Variants in ADAM22 observed in about 807,000 individuals in gnomAD.
The protein encoded by ADAM22 is ADAM metallopeptidase domain 22, also known as disintegrin and metalloproteinase domain-containing protein 22.
Under a neutral mutation model 144.6 loss-of-function variants are expected in ADAM22, and 65 were observed. The ratio of observed to expected loss-of-function variants is 0.45; its 90% CI spans 0.37 to 0.55. The LOEUF (loss-of-function observed/expected upper bound fraction) is 0.55, where lower values mean the gene tolerates loss of function less well. ADAM22 is among the 20% of genes least tolerant of loss of function. The pLI is 0.00. For synonymous variants in ADAM22, 391 were observed against 412.6 expected, an observed-to-expected ratio of 0.95 and a Z score of 0.63; for missense variants, 974 against 1,184.9, an observed-to-expected ratio of 0.82 and a Z score of 2.61.
intron 3 of ADAM22, among the ~76,000 whole-genome samples, chr7:87,986,318 G>A (rs1187979930): frequency 6.6e-6 from 1 of 152,292 alleles, no homozygotes; most frequent in Non-Finnish European, 1.5e-5. Flanking sequence ...AGTCTCTTGT[G>A]CTCAGCCCAG....
intron 3 of ADAM22, among the ~76,000 whole-genome samples, chr7:88,045,624 G>C (rs60069756): frequency 0.4 from 60,593 of 151,894 alleles, 13,391 homozygotes; most frequent in East Asian, 0.59. Context: ...TAGATCTCCA[G>C]AACTTATTGC....
At chr7:87,983,095 T>C (rs1042401114) in intron 3 of ADAM22, among the ~76,000 whole-genome samples, 3 of 152,134 alleles carry the variant, frequency 2.0e-5, no homozygotes, top group African/African-American at 7.2e-5. Flanking sequence ...AGCTTTATAA[T>C]GTGTTTTAAT....
chr7:88,142,914 T>C, intron 14 of ADAM22, 112 bp from the exon 15 acceptor site: 1 of 627,794 alleles, frequency 1.6e-6, no homozygotes, highest in Non-Finnish European at 2.8e-6. Flanking sequence ...ATAAGTAGAC[T>C]TTATTCCCTC....
rs1429968798 is a variant in ADAM22 at position 88,086,553 on chromosome 7, A to G, written c.390+10861A>G. ...TTTATTCCTTTAATGGGACATATTA[A>G]TCTTTCACTTACGTTTATTTTCAAT... On this transcript the variant is annotated intron_variant, in intron 4 of 31. Coordinates refer to ENST00000413139, the MANE Select transcript of ADAM22 (RefSeq NM_001324418.2). 3.3e-5 allele frequency among the ~76,000 whole-genome samples: 5 copies of G among 152,354 alleles called. No individual in the cohort carries two copies. In the East Asian group the frequency reaches 9.6e-4, roughly 29 times the overall value.
intron 3 of ADAM22, among the ~76,000 whole-genome samples, chr7:88,074,650 C>A (rs1022910166): frequency 2.0e-5 from 3 of 152,166 alleles, no homozygotes; most frequent in African/African-American, 7.2e-5. Context: ...ATAAATGAAG[C>A]ATTGACTTAG....
chr7:88,037,269 C>T (rs1183726080), intron 3 of ADAM22, among the ~76,000 whole-genome samples: 1 of 152,026 alleles, frequency 6.6e-6, no homozygotes. Flanking sequence ...AAATATTTAA[C>T]GATGATGTTT....
intron 3 of ADAM22, among the ~76,000 whole-genome samples, chr7:88,038,948 T>C (rs954680548): frequency 6.6e-6 from 1 of 151,754 alleles, no homozygotes; most frequent in Non-Finnish European, 1.5e-5. Flanking sequence ...GCCTGGCTAA[T>C]TTTTTAGTTT....
At chr7:87,962,863 G>T (rs1297400280) in intron 2 of ADAM22, among the ~76,000 whole-genome samples, 1 of 152,108 alleles carries the variant, frequency 6.6e-6, no homozygotes, top group African/African-American at 2.4e-5. Context: ...TAATGCCCAG[G>T]ATCATTCAGT....
At chr7:87,996,280 A>G (rs1477403969) in intron 3 of ADAM22, among the ~76,000 whole-genome samples, 1 of 152,192 alleles carries the variant, frequency 6.6e-6, no homozygotes, top group Admixed American at 6.5e-5. Context: ...AAAATACCAT[A>G]AGGACTGGGT....
At chr7:88,183,694 C>G (rs969664782) in intron 29 of ADAM22, among the ~76,000 whole-genome samples, 1 of 151,736 alleles carries the variant, frequency 6.6e-6, no homozygotes, top group Non-Finnish European at 1.5e-5. Context: ...TAAGGACTTC[C>G]TCAGATTTTT....
chr7:88,049,386 T>TTTTG lies in ADAM22; in HGVS notation c.324-26224_324-26221dup, dbSNP rs1163210992. On this transcript the variant is annotated intron_variant, in intron 3 of 31. Coordinates refer to ENST00000413139, the MANE Select transcript of ADAM22 (RefSeq NM_001324418.2). ...TTTTTTTTCTTTTCTGTTTTTTGTTTTTTGTTTGTTTGTTTGTTTTTGAGA... is the reference window on the plus strand; with the variant it reads ...TTTTTTTTCTTTTCTGTTTTTTGTTTTTTGTTTGTTTGTTTGTTTGTTTTTGAGA... 1.2e-4 allele frequency among the ~76,000 whole-genome samples: 19 copies of TTTTG among 152,162 alleles called. 1 individual carries two copies. Among genetic ancestry groups the TTTTG allele is most frequent in the Admixed American group, 9.8e-4 (15 of 15,268 alleles).
intron 3 of ADAM22, among the ~76,000 whole-genome samples, chr7:88,054,320 A>T (rs10435251): frequency 0.41 from 62,765 of 151,902 alleles, 14,386 homozygotes; most frequent in South Asian, 0.59. Flanking sequence ...TTTCCATCAC[A>T]TGCAACATTG....
chr7:88,058,459 A>G (rs1244220311), intron 3 of ADAM22, among the ~76,000 whole-genome samples: 1 of 152,250 alleles, frequency 6.6e-6, no homozygotes, highest in Non-Finnish European at 1.5e-5. Flanking sequence ...GTCTGTTTAA[A>G]TATTCTTAAT....
chr7:88,172,642 G>A (rs1364947630), intron 26 of ADAM22, among the ~76,000 whole-genome samples: 1 of 151,880 alleles, frequency 6.6e-6, no homozygotes, highest in Non-Finnish European at 1.5e-5. Flanking sequence ...TGTAGAATCT[G>A]TATAAATATA....
intron 14 of ADAM22, among the ~76,000 whole-genome samples, chr7:88,138,032 T>C (rs1246571713): frequency 6.6e-6 from 1 of 152,054 alleles, no homozygotes; most frequent in African/African-American, 2.4e-5. Context: ...CACACACCTG[T>C]AGTCCCAGCT....
At chr7:88,025,996 G>A (rs1208034652) in intron 3 of ADAM22, among the ~76,000 whole-genome samples, 1 of 152,112 alleles carries the variant, frequency 6.6e-6, no homozygotes, top group Non-Finnish European at 1.5e-5. Flanking sequence ...TTTTTTGTGT[G>A]TGTGTCCTCT....
At chr7:88,149,233 A>G (rs1837600670) in intron 18 of ADAM22, among the ~76,000 whole-genome samples, 176 bp downstream of exon 18, 2 of 152,216 alleles carry the variant, frequency 1.3e-5, no homozygotes, top group African/African-American at 4.8e-5. Context: ...GATTTTGAAC[A>G]TAATTTTGTC....
chr7:88,011,307 C>T (rs912088806), intron 3 of ADAM22, among the ~76,000 whole-genome samples: 18 of 152,006 alleles, frequency 1.2e-4, no homozygotes, highest in Admixed American at 1.1e-3. Flanking sequence ...TTTGGGAGGC[C>T]GAGGCGGGCG....
chr7:88,202,819 A>G lies in ADAM22; in HGVS notation c.*6328A>G, dbSNP rs181360397. On this transcript the variant is annotated 3_prime_UTR_variant, in exon 32 of 32. Coordinates refer to ENST00000413139, the MANE Select transcript of ADAM22 (RefSeq NM_001324418.2). ...TCACTTCGGAAGCTAATAAGATACCATGGTTTTCTATGTTACTCCCATTGT... is the reference window on the plus strand; with the variant it reads ...TCACTTCGGAAGCTAATAAGATACCGTGGTTTTCTATGTTACTCCCATTGT... The G allele has an allele frequency of 1.3e-5, 2 of 152,336 alleles. No homozygotes were observed. Among genetic ancestry groups the G allele is most frequent in the African/African-American group, 4.8e-5 (2 of 41,578 alleles). The allele number at this position is 152,336 out of a possible 1,614,324, so 9.4% of individuals were successfully genotyped here. A position where few individuals can be genotyped will look rare whatever the true frequency, so the allele number is the denominator to read the frequency against.
Sources: gnomAD v4.1 joint callset for allele counts (sites outside exome capture counted in the v4.1 genomes callset) on GRCh38, gnomAD v4.1.1 for gene constraint, MANE v1.5 for transcripts, NCBI Gene and HGNC (gene_info 2026-07-23, HGNC 2026-07-21) for gene names.